The following DOCK3 variants were observed in gnomAD, a reference collection of about 807,000 sequenced individuals.
The protein encoded by DOCK3 is dedicator of cytokinesis protein 3.
Under a neutral mutation model 265.6 loss-of-function variants are expected in DOCK3, and 60 were observed. The ratio of observed to expected loss-of-function variants is 0.23; its 90% CI spans 0.18 to 0.28. The LOEUF is 0.28. DOCK3 is among the 10% of genes least tolerant of loss of function. The pLI is 1.00. For synonymous variants in DOCK3, 881 were observed against 938.0 expected, an observed-to-expected ratio of 0.94 and a Z score of 1.11; for missense variants, 1,981 against 2,594.3, an observed-to-expected ratio of 0.76 and a Z score of 5.14.
chr3:51,362,811 A>C, intron 49 of DOCK3, 137 bp downstream of exon 49: 1 of 1,287,452 alleles, frequency 7.8e-7, no homozygotes, highest in South Asian at 1.5e-5. Flanking sequence ...TTTACCACTA[A>C]GGACTCGAGA....
chr3:50,900,476 T>G (rs939086719), intron 4 of DOCK3, among the ~76,000 whole-genome samples: 5 of 152,244 alleles, frequency 3.3e-5, no homozygotes, highest in African/African-American at 1.2e-4. Flanking sequence ...AGCCTACTTC[T>G]GTCAATTTGT....
At chr3:51,323,948 C>G (rs1472736264) in intron 32 of DOCK3, among the ~76,000 whole-genome samples, 1 of 152,062 alleles carries the variant, frequency 6.6e-6, no homozygotes, top group Admixed American at 6.6e-5. Flanking sequence ...CTATTTATGA[C>G]AAACCCACAG....
At chr3:51,139,256 G>C (rs990603599) in intron 9 of DOCK3, among the ~76,000 whole-genome samples, 2 of 150,396 alleles carry the variant, frequency 1.3e-5, no homozygotes, top group Non-Finnish European at 2.9e-5. Context: ...AACTGCAGTG[G>C]GGGGAGGGCT....
chr3:50,838,873 G>A (rs906453918), intron 2 of DOCK3, among the ~76,000 whole-genome samples: 1 of 152,078 alleles, frequency 6.6e-6, no homozygotes, highest in Non-Finnish European at 1.5e-5. Flanking sequence ...GTCATGGAAC[G>A]GATACATTTG....
chr3:50,680,215 C>CTTT (rs771036444), intron 1 of DOCK3, among the ~76,000 whole-genome samples: 30 of 136,202 alleles, frequency 2.2e-4, no homozygotes, highest in South Asian at 4.7e-4. Flanking sequence ...CTTTTTCTTT[C>CTTT]TTTTTTTTTT....
chr3:51,140,132 C>T (rs1309332103), intron 9 of DOCK3, among the ~76,000 whole-genome samples: 3 of 152,084 alleles, frequency 2.0e-5, no homozygotes. Context: ...TAGAGTTTAC[C>T]CATTCAAAGG....
intron 9 of DOCK3, among the ~76,000 whole-genome samples, chr3:51,091,640 G>T (rs192453052): frequency 1.4e-3 from 195 of 139,132 alleles, no homozygotes; most frequent in African/African-American, 5.1e-3. Context: ...CCGGGATGGT[G>T]CCACTGCACT....
At position 50,714,617 on chromosome 3, in the gene DOCK3, T is replaced by G. The variant is rs2036981722; in HGVS notation, c.37+39317T>G. On this transcript the variant is annotated intron_variant, in intron 1 of 52. Transcript: ENST00000266037. ...GATGCATGCCAGCACATCTGGCTAA[T>G]TTTTAAATTTTTTTGTAGAGATGGA... Among the ~76,000 whole-genome samples the G allele has an allele frequency of 2.6e-5, 4 of 152,158 alleles. No individual in the cohort carries two copies. The South Asian group carries it at 8.3e-4, about 32-fold the overall frequency.
At chr3:51,198,932 G>A (rs1221875177) in intron 12 of DOCK3, among the ~76,000 whole-genome samples, 1 of 152,116 alleles carries the variant, frequency 6.6e-6, no homozygotes, top group Admixed American at 6.6e-5. Context: ...AGGAGGCTGA[G>A]GCATGAGAAT....
At chr3:50,841,744 T>TTTTTCTTTTTTTTTTTTTTTG in intron 3 of DOCK3, 29 bp downstream of exon 3, 1 of 520,346 alleles carries the variant, frequency 1.9e-6, no homozygotes, top group Non-Finnish European at 3.1e-6. Context: ...TTACCTTTTC[T>TTTTTCTTTTTTTTTTTTTTTG]AATGTAGGAA....
intron 5 of DOCK3, among the ~76,000 whole-genome samples, chr3:50,966,198 C>G (rs1034446726): frequency 6.6e-6 from 1 of 152,106 alleles, no homozygotes; most frequent in African/African-American, 2.4e-5. Context: ...ATATATTCCA[C>G]ATATTTTCTT....
intron 18 of DOCK3, 78 bp from the exon 19 acceptor site, chr3:51,229,434 G>C: frequency 1.9e-6 from 2 of 1,080,798 alleles, no homozygotes; most frequent in Non-Finnish European, 2.6e-6. Flanking sequence ...CTGGGCAACA[G>C]AGTGAGACTC....
chr3:51,315,252 T>G, intron 32 of DOCK3, 124 bp downstream of exon 32: 8 of 1,228,950 alleles, frequency 6.5e-6, no homozygotes, highest in Middle Eastern at 2.2e-4. Flanking sequence ...ATTTGAATCC[T>G]GTTCAAGGGT....
chr3:51,293,746 C>A (rs2081920300), intron 27 of DOCK3, among the ~76,000 whole-genome samples: 1 of 152,088 alleles, frequency 6.6e-6, no homozygotes. Context: ...ATACAAGGAA[C>A]CTCAAGCTAC....
chr3:50,949,021 G>T (rs1012874342), intron 5 of DOCK3, among the ~76,000 whole-genome samples: 1 of 152,136 alleles, frequency 6.6e-6, no homozygotes, highest in Non-Finnish European at 1.5e-5. Context: ...ACAAATGAGG[G>T]TAAATGAATA....
At chr3:50,950,846 C>G (rs961763986) in intron 5 of DOCK3, among the ~76,000 whole-genome samples, 1 of 152,186 alleles carries the variant, frequency 6.6e-6, no homozygotes, top group African/African-American at 2.4e-5. Context: ...ACTTTCTACT[C>G]AACCCGATAG....
chr3:50,713,638 T>TTA (rs57074630), intron 1 of DOCK3, among the ~76,000 whole-genome samples: 3,979 of 149,880 alleles, frequency 0.027, 124 homozygotes, highest in African/African-American at 0.072. Flanking sequence ...GTCTGATAAA[T>TTA]TATATATATA....
intron 9 of DOCK3, among the ~76,000 whole-genome samples, chr3:51,146,058 C>A (rs2085285976): frequency 6.6e-6 from 1 of 152,208 alleles, no homozygotes; most frequent in Admixed American, 6.5e-5. Context: ...CAGTTCCTCA[C>A]AGGCCACAGG....
intron 49 of DOCK3, among the ~76,000 whole-genome samples, chr3:51,369,365 G>GA (rs1231065968): frequency 1.3e-5 from 2 of 152,200 alleles, no homozygotes; most frequent in Non-Finnish European, 2.9e-5. Flanking sequence ...TGATGGAGCT[G>GA]AAAACCATGG....
Sources: allele counts gnomAD v4.1 joint callset (sites outside exome capture counted in the v4.1 genomes callset), GRCh38; gene constraint gnomAD v4.1.1; transcripts MANE v1.5; gene names NCBI Gene and HGNC (gene_info 2026-07-23, HGNC 2026-07-21).